The following MAST2 variants were observed in gnomAD, a reference collection of about 807,000 sequenced individuals.
MAST2 encodes the protein microtubule-associated serine/threonine-protein kinase 2.
In MAST2, 70 loss-of-function variants were observed where a neutral mutation model predicts 147.4. The ratio of observed to expected loss-of-function variants is 0.47; its 90% CI spans 0.39 to 0.58. MAST2 has a LOEUF of 0.58. Among genes scored for constraint, MAST2 ranks in the 20% least tolerant of loss-of-function variants. The probability of loss-of-function intolerance (pLI) is 0.00; values close to 1 mark genes in which losing one functional copy is unlikely to be tolerated. For synonymous variants in MAST2, 869 were observed against 896.8 expected (o/e 0.97, Z 0.55); for missense variants, 2,080 against 2,302.3 (o/e 0.90, Z 1.98).
chr1:45,927,643 G>T (rs145020490), intron 4 of MAST2, among the ~76,000 whole-genome samples: 2 of 152,226 alleles, frequency 1.3e-5, no homozygotes, highest in East Asian at 3.9e-4. Context: ...CTTTTTTCAA[G>T]GTGCTCAGAT....
At chr1:45,842,290 A>G (rs1557824630) in intron 3 of MAST2, among the ~76,000 whole-genome samples, 1 of 152,234 alleles carries the variant, frequency 6.6e-6, no homozygotes, top group Non-Finnish European at 1.5e-5. Flanking sequence ...TCTGGTGTAC[A>G]TATCCTTTTA....
At chr1:45,987,906 G>C (rs1485702713) in intron 5 of MAST2, among the ~76,000 whole-genome samples, 8 of 149,846 alleles carry the variant, frequency 5.3e-5, no homozygotes, top group Non-Finnish European at 1.2e-4. Flanking sequence ...CAAAGTGCTG[G>C]GAGTTAGTCT....
At chr1:45,987,011 T>A (rs11211241) in intron 5 of MAST2, among the ~76,000 whole-genome samples, 67,945 of 151,896 alleles carry the variant, frequency 0.45, 15,385 homozygotes, top group East Asian at 0.63. Context: ...CTAGAATTTG[T>A]GGGAAGGTTT....
intron 4 of MAST2, among the ~76,000 whole-genome samples, chr1:45,912,080 G>A (rs1210499091): frequency 6.6e-6 from 1 of 151,904 alleles, no homozygotes; most frequent in African/African-American, 2.4e-5. Flanking sequence ...GTTGAGAACT[G>A]TTAGATTTCT....
chr1:45,886,034 C>CA (rs1647067801), intron 4 of MAST2, among the ~76,000 whole-genome samples: 1 of 151,822 alleles, frequency 6.6e-6, no homozygotes, highest in African/African-American at 2.4e-5. Context: ...GAGACTAAGG[C>CA]AGGAGGATCG....
chr1:46,016,334 A>G (rs1016222821), intron 10 of MAST2, among the ~76,000 whole-genome samples: 11 of 151,764 alleles, frequency 7.2e-5, no homozygotes, highest in African/African-American at 2.2e-4. Flanking sequence ...TGGCCAGGGC[A>G]ATGAGGCAGG....
intron 19 of MAST2, 115 bp from the exon 20 acceptor site, chr1:46,029,716 G>T (rs1646560829): frequency 8.4e-6 from 12 of 1,425,978 alleles, no homozygotes; most frequent in Non-Finnish European, 1.1e-5. Flanking sequence ...AAGGGAAGAT[G>T]CTTGAGCTGA....
rs200134348 is a variant in MAST2 at position 46,023,810 on chromosome 1, G to C, written c.1610G>C (p.Arg537Pro). The change falls in exon 15 of 29, where the codon CGC becomes CCC. Residue 537 changes from arginine to proline, a missense_variant. Physicochemically the swap from Arg to Pro is moderately radical, Grantham distance 103 (BLOSUM62 -2). Transcript: ENST00000361297. The surrounding 1 kb of genome is among the most constrained non-coding windows in gnomAD (Gnocchi z 4.9). Reference sequence around the variant, plus strand: ...GTGCGGCACAAGTCCACCCGGCAGCGCTTTGCCATGAAGAAGATCAACAAG... The same window carrying C: ...GTGCGGCACAAGTCCACCCGGCAGCCCTTTGCCATGAAGAAGATCAACAAG... ...FLVRHKSTRQ[R>P]FAMKKINKQN... 1 of 1,614,070 alleles carries C rather than the reference G, an allele frequency of 6.2e-7. No homozygotes were observed. The highest frequency in any genetic ancestry group is 1.1e-5 in the South Asian group (1 of 91,068).
At chr1:45,842,286 G>A (rs1228259645) in intron 3 of MAST2, among the ~76,000 whole-genome samples, 3 of 152,164 alleles carry the variant, frequency 2.0e-5, no homozygotes, top group Admixed American at 2.0e-4. Flanking sequence ...GTAATCTGGT[G>A]TACATATCCT....
intron 4 of MAST2, among the ~76,000 whole-genome samples, chr1:45,923,038 T>C (rs1455029441): frequency 2.6e-5 from 4 of 152,076 alleles, no homozygotes; most frequent in East Asian, 3.9e-4. Flanking sequence ...CCCTGAAGCA[T>C]GGCCCCAGCT....
intron 5 of MAST2, among the ~76,000 whole-genome samples, chr1:45,997,148 G>A (rs1399817339): frequency 2.0e-5 from 3 of 152,192 alleles, no homozygotes; most frequent in Non-Finnish European, 4.4e-5. Flanking sequence ...CAGGGAACAC[G>A]TGAATACTAA....
chr1:45,850,094 G>T (rs763273241), intron 3 of MAST2, among the ~76,000 whole-genome samples: 5 of 152,084 alleles, frequency 3.3e-5, no homozygotes, highest in Non-Finnish European at 5.9e-5. Flanking sequence ...CCTTTTATCT[G>T]CAGTCTTGCC....
At chr1:45,906,166 T>C (rs1214298058) in intron 4 of MAST2, among the ~76,000 whole-genome samples, 1 of 152,230 alleles carries the variant, frequency 6.6e-6, no homozygotes, top group African/African-American at 2.4e-5. Flanking sequence ...AAGTTATTTA[T>C]ATATTTCAGA....
chr1:45,950,167 T>C (rs1413598090), intron 4 of MAST2, among the ~76,000 whole-genome samples: 1 of 152,160 alleles, frequency 6.6e-6, no homozygotes, highest in African/African-American at 2.4e-5. Flanking sequence ...CAAACCCCTG[T>C]GTCAGGAGTT....
chr1:45,992,732 C>T (rs1297825840), intron 5 of MAST2, among the ~76,000 whole-genome samples: 2 of 151,946 alleles, frequency 1.3e-5, no homozygotes, highest in Non-Finnish European at 2.9e-5. Context: ...TTTTAAAATT[C>T]AATCTAACAA....
intron 26 of MAST2, among the ~76,000 whole-genome samples, chr1:46,033,272 C>CAA (rs59507952): frequency 4.2e-5 from 4 of 95,082 alleles, no homozygotes; most frequent in Non-Finnish European, 6.6e-5. Context: ...ACTCTGTTTC[C>CAA]AAAAAAAAAA....
intron 15 of MAST2, among the ~76,000 whole-genome samples, chr1:46,025,420 C>A (rs1018265356): frequency 1.3e-5 from 2 of 152,178 alleles, no homozygotes; most frequent in African/African-American, 4.8e-5. Context: ...CAGTTATCTC[C>A]CTCCAGGTCC....
At chr1:45,921,247 G>A (rs539438362) in intron 4 of MAST2, among the ~76,000 whole-genome samples, 1 of 152,194 alleles carries the variant, frequency 6.6e-6, no homozygotes, top group Non-Finnish European at 1.5e-5. Context: ...ACCCACCTCG[G>A]ACTCCCAAAG....
chr1:45,824,798 T>C (rs774744883), intron 2 of MAST2, among the ~76,000 whole-genome samples: 4 of 152,246 alleles, frequency 2.6e-5, no homozygotes, highest in Non-Finnish European at 5.9e-5. Context: ...TGATCACCAC[T>C]AGTGGTCACT....
Sources: gnomAD v4.1 joint callset for allele counts (sites outside exome capture counted in the v4.1 genomes callset) on GRCh38, gnomAD v4.1.1 for gene constraint, Gnocchi (gnomAD v3.1) non-coding constraint, MANE v1.5 for transcripts, NCBI Gene and HGNC (gene_info 2026-07-23, HGNC 2026-07-21) for gene names.